Variants in GPC5 observed in about 807,000 individuals in gnomAD.
The protein encoded by GPC5 is glypican-5.
A neutral mutation model predicts 53.9 loss-of-function variants in GPC5; 47 were observed. The observed-to-expected ratio is 0.87, with a 90% CI of 0.69 to 1.11. The LOEUF (loss-of-function observed/expected upper bound fraction) is 1.11, where lower values mean the gene tolerates loss of function less well. Among genes scored for constraint, GPC5 ranks in the 50% most tolerant of loss-of-function variants. GPC5 has a pLI of 0.00. For missense variants in GPC5, 748 were observed against 713.1 expected, an observed-to-expected ratio of 1.05 and a Z score of -0.56; for synonymous variants, 286 against 263.3, an observed-to-expected ratio of 1.09 and a Z score of -0.84.
At chr13:91,478,836 T>C (rs143576504) in intron 2 of GPC5, among the ~76,000 whole-genome samples, 3,357 of 100,936 alleles carry the variant, frequency 0.033, 388 homozygotes, top group African/African-American at 0.11. Context: ...CACACACACA[T>C]ATATATACAC....
chr13:92,744,463 C>T (rs1276082632), intron 7 of GPC5, among the ~76,000 whole-genome samples: 2 of 150,226 alleles, frequency 1.3e-5, no homozygotes, highest in Non-Finnish European at 3.0e-5. Flanking sequence ...TTATGTAGGT[C>T]TTAGCAGGAG....
intron 7 of GPC5, among the ~76,000 whole-genome samples, chr13:92,279,538 C>T (rs2042898475): frequency 1.3e-5 from 2 of 152,052 alleles, no homozygotes; most frequent in South Asian, 2.1e-4. Context: ...TGATGAATCT[C>T]TGTCTTTTGT....
rs148919797 is a variant in GPC5 at position 91,850,383 on chromosome 13, A to G, written c.1281-57554A>G. Among the ~76,000 whole-genome samples, 605 of 152,186 alleles carry G rather than the reference A, an allele frequency of 4.0e-3. 8 individuals carry two copies. Among genetic ancestry groups the G allele is most frequent in the African/African-American group, 0.014 (577 of 41,528 alleles). Reference sequence around the variant, plus strand: ...CACAACAAAGAGTTTTCTGGTTCAAACTGTCAATAATATCAAGGTTGGTAA... The same window carrying G: ...CACAACAAAGAGTTTTCTGGTTCAAGCTGTCAATAATATCAAGGTTGGTAA... On this transcript the variant is annotated intron_variant, in intron 5 of 7. Transcript: ENST00000377067.
intron 7 of GPC5, among the ~76,000 whole-genome samples, chr13:92,370,246 T>C (rs953735387): frequency 1.2e-4 from 19 of 152,232 alleles, no homozygotes; most frequent in Non-Finnish European, 2.2e-4. Context: ...AGTATTTGGT[T>C]CTTAGGTGCA....
At chr13:92,162,193 A>T (rs115741573) in intron 7 of GPC5, among the ~76,000 whole-genome samples, 2,828 of 151,984 alleles carry the variant, frequency 0.019, 88 homozygotes, top group African/African-American at 0.063. Flanking sequence ...AAATTTTGCA[A>T]TTCAAATTAG....
At chr13:92,394,183 G>A (rs1349736880) in intron 7 of GPC5, among the ~76,000 whole-genome samples, 2 of 152,058 alleles carry the variant, frequency 1.3e-5, no homozygotes, top group Non-Finnish European at 2.9e-5. Context: ...AATCATCTAA[G>A]GGTGTATAGT....
intron 3 of GPC5, among the ~76,000 whole-genome samples, chr13:91,717,269 G>A (rs763687741): frequency 6.6e-6 from 1 of 152,234 alleles, no homozygotes; most frequent in African/African-American, 2.4e-5. Flanking sequence ...AGCTTCAGCT[G>A]TAAATTCACA....
intron 6 of GPC5, among the ~76,000 whole-genome samples, chr13:91,921,917 G>A (rs1239181385): frequency 1.3e-5 from 2 of 152,104 alleles, no homozygotes; most frequent in Non-Finnish European, 2.9e-5. Flanking sequence ...GCTGCAGTGA[G>A]CTGTGATCAC....
chr13:92,468,943 C>T (rs1446108115), intron 7 of GPC5, among the ~76,000 whole-genome samples: 1 of 152,138 alleles, frequency 6.6e-6, no homozygotes, highest in African/African-American at 2.4e-5. Flanking sequence ...CCTTTCCCTC[C>T]ACTGTCTTGT....
intron 7 of GPC5, among the ~76,000 whole-genome samples, chr13:92,510,631 ATC>A (rs1880530564): frequency 1.3e-5 from 2 of 152,144 alleles, no homozygotes; most frequent in Admixed American, 1.3e-4. Flanking sequence ...TCCTGCTGGG[ATC>A]AAGACACCAT....
intron 7 of GPC5, among the ~76,000 whole-genome samples, chr13:92,826,972 T>A (rs1346572041): frequency 6.6e-6 from 1 of 152,288 alleles, no homozygotes; most frequent in African/African-American, 2.4e-5. Context: ...TTCCCTGTCA[T>A]CTACCCATTA....
intron 7 of GPC5, among the ~76,000 whole-genome samples, chr13:92,336,842 T>TA (rs35605716): frequency 6.6e-6 from 1 of 152,148 alleles, no homozygotes; most frequent in Admixed American, 6.6e-5. Context: ...ATCTAATTTT[T>TA]AAAAAAGAGA....
chr13:92,282,337 A>G (rs1296406126), intron 7 of GPC5, among the ~76,000 whole-genome samples: 1 of 152,218 alleles, frequency 6.6e-6, no homozygotes, highest in Non-Finnish European at 1.5e-5. Flanking sequence ...GATATTATTC[A>G]GGAGAACTTC....
intron 2 of GPC5, among the ~76,000 whole-genome samples, chr13:91,503,817 A>AATCATC (rs1230141661): frequency 7.5e-5 from 11 of 147,414 alleles, no homozygotes; most frequent in African/African-American, 2.7e-4. Context: ...TAATAATAAT[A>AATCATC]ATCAGGCTGT....
intron 6 of GPC5, among the ~76,000 whole-genome samples, chr13:91,974,154 C>T (rs1287368108): frequency 6.6e-6 from 1 of 152,134 alleles, no homozygotes; most frequent in Non-Finnish European, 1.5e-5. Context: ...AAACCCACAG[C>T]CAATATCATA....
chr13:91,615,567 TC>T (rs1188897189), intron 2 of GPC5, among the ~76,000 whole-genome samples: 1 of 152,160 alleles, frequency 6.6e-6, no homozygotes, highest in Non-Finnish European at 1.5e-5. Context: ...CCTATGTTTT[TC>T]TTGTAGTTAC....
intron 7 of GPC5, among the ~76,000 whole-genome samples, chr13:92,587,375 A>G (rs1883570957): frequency 6.6e-6 from 1 of 152,216 alleles, no homozygotes; most frequent in African/African-American, 2.4e-5. Context: ...TTAATATGCA[A>G]TGAAAATTCA....
At chr13:92,824,836 G>GA (rs1192473188) in intron 7 of GPC5, among the ~76,000 whole-genome samples, 2 of 151,350 alleles carry the variant, frequency 1.3e-5, no homozygotes, top group Non-Finnish European at 2.9e-5. Context: ...TTATCTGGAA[G>GA]AAAAAAATAA....
At chr13:92,641,200 C>T (rs528530900) in intron 7 of GPC5, among the ~76,000 whole-genome samples, 2 of 152,230 alleles carry the variant, frequency 1.3e-5, no homozygotes, top group South Asian at 4.1e-4. Flanking sequence ...TGACCTTTTG[C>T]TGCAAATTAA....
Sources: gnomAD v4.1 joint callset for allele counts (sites outside exome capture counted in the v4.1 genomes callset) on GRCh38, gnomAD v4.1.1 for gene constraint, MANE v1.5 for transcripts, NCBI Gene and HGNC (gene_info 2026-07-23, HGNC 2026-07-21) for gene names.